The following SPINT1 variants were observed in gnomAD, a reference collection of about 807,000 sequenced individuals.
SPINT1 encodes kunitz-type protease inhibitor 1.
A neutral mutation model predicts 53.7 loss-of-function variants in SPINT1; 38 were observed. The ratio of observed to expected loss-of-function variants is 0.71; its 90% CI spans 0.55 to 0.93. The LOEUF (loss-of-function observed/expected upper bound fraction) is 0.93, where lower values mean the gene tolerates loss of function less well. Ranked by LOEUF, SPINT1 falls within the 40% of genes least tolerant of loss-of-function variation. The pLI is 0.00. For synonymous variants in SPINT1, 283 were observed against 280.6 expected (o/e 1.01, Z -0.08); for missense variants, 645 against 692.9 (o/e 0.93, Z 0.78).
intron 8 of SPINT1, 25 bp downstream of exon 8, chr15:40,854,714 G>T: frequency 6.2e-7 from 1 of 1,613,106 alleles, no homozygotes; most frequent in South Asian, 1.1e-5. Flanking sequence ...AGGTGCCCTG[G>T]ATCAGGGCAG....
At chr15:40,852,220 G>A (rs1891478701) in intron 2 of SPINT1, among the ~76,000 whole-genome samples, 1 of 152,088 alleles carries the variant, frequency 6.6e-6, no homozygotes, top group Admixed American at 6.6e-5. Context: ...CTGTCTTCGC[G>A]TGGCCTTCTC....
intron 7 of SPINT1, 44 bp downstream of exon 7, chr15:40,854,566 G>T: frequency 6.2e-7 from 1 of 1,613,756 alleles, no homozygotes; most frequent in Non-Finnish European, 8.5e-7. Context: ...AGACAGGGAG[G>T]TCCTGACAGC....
chr15:40,854,708 G>A lies in SPINT1; in HGVS notation c.1117+19G>A, dbSNP rs1242809517. 13 of 1,613,924 alleles carry A rather than the reference G, an allele frequency of 8.1e-6. No individual in the cohort carries two copies. Among genetic ancestry groups the A allele is most frequent in the East Asian group, 2.2e-5 (1 of 44,880 alleles). On this transcript the variant is annotated intron_variant, in intron 8 of 10. Coordinates refer to ENST00000562057, the MANE Select transcript of SPINT1 (RefSeq NM_003710.4). ...GACAAAGGTGAGATCCTCCCCAGGT[G>A]CCCTGGATCAGGGCAGACGCTGACA...
intron 9 of SPINT1, 47 bp from the exon 10 acceptor site, chr15:40,856,229 C>T (rs371354846): frequency 1.2e-4 from 200 of 1,612,102 alleles, no homozygotes; most frequent in Non-Finnish European, 1.6e-4. Flanking sequence ...GCAGCTGAGT[C>T]TCTGAGCCCT....
intron 6 of SPINT1, 79 bp downstream of exon 6, chr15:40,854,165 G>T (rs1891556689): frequency 1.4e-6 from 2 of 1,465,054 alleles, no homozygotes; most frequent in African/African-American, 2.8e-5. Flanking sequence ...TAAGCAGCCT[G>T]CCTTTGACCA....
intron 2 of SPINT1, among the ~76,000 whole-genome samples, chr15:40,849,090 C>G (rs190827400): frequency 6.6e-6 from 1 of 151,944 alleles, no homozygotes; most frequent in East Asian, 1.9e-4. Context: ...ACTAAAAATA[C>G]AAAAAATTAG....
Position 40,853,118 on chromosome 15 carries a change from CG to C in SPINT1, c.476-5del. 1 of 1,613,132 alleles carries C rather than the reference CG, an allele frequency of 6.2e-7. No individual in the cohort carries two copies. The highest frequency in any genetic ancestry group is 8.5e-7 in the Non-Finnish European group (1 of 1,179,558). ...TTGACCTTATCTCACTTTCTCTCCC[CG>C]CCAGGGTCTGGGATCCCCAAGGCCT... is the stretch of plus-strand genomic sequence containing the variant. On this transcript the variant is annotated splice_polypyrimidine_tract_variant and splice_region_variant and intron_variant, in intron 2 of 10. Coordinates refer to ENST00000562057, the MANE Select transcript of SPINT1 (RefSeq NM_003710.4).
In SPINT1 at chr15:40,844,540, C is replaced by A; in HGVS notation, c.-15C>A. 6.2e-7 allele frequency: 1 copy of A among 1,610,204 alleles called. No individual in the cohort carries two copies. Among genetic ancestry groups the A allele is most frequent in the Non-Finnish European group, 8.5e-7 (1 of 1,178,884 alleles). On this transcript the variant is annotated 5_prime_UTR_variant, in exon 2 of 11. It adds an upstream start codon to the 5' untranslated region. Transcript: ENST00000562057. The surrounding 1 kb of genome is among the most constrained non-coding windows in gnomAD (Gnocchi z 5.8). The stretch of plus-strand genomic sequence containing the variant: ...GGCCCGCGCTCTGAAGGTGACCCCC[C>A]TGGGGAGGAAGGCGATGGCCCCTGC...
intron 2 of SPINT1, among the ~76,000 whole-genome samples, chr15:40,849,748 C>T (rs189203000): frequency 1.3e-3 from 194 of 152,314 alleles, no homozygotes; most frequent in African/African-American, 4.3e-3. Flanking sequence ...TGACTCTGAG[C>T]AAGCCATTTA....
intron 8 of SPINT1, 86 bp from the exon 9 acceptor site, chr15:40,855,806 T>G (rs937297365): frequency 1.4e-6 from 2 of 1,458,486 alleles, no homozygotes; most frequent in Admixed American, 2.0e-5. Flanking sequence ...GGTGGGGAGG[T>G]GCTGGGCAGC....
chr15:40,845,059 G>A (rs1332186970), intron 2 of SPINT1, 30 bp downstream of exon 2: 2 of 1,553,588 alleles, frequency 1.3e-6, no homozygotes, highest in Admixed American at 1.8e-5. Flanking sequence ...GGATGGGTTT[G>A]GAGAGACTCA....
rs1430057880 is a variant in SPINT1 at position 40,844,477 on chromosome 15, C to G, written c.-65-13C>G. ...AGGTGTGTCTCCTCCTCTGTCCCCT[C>G]CCTTCTTCTCAGGTCACCAGCACCC... On this transcript the variant is annotated splice_polypyrimidine_tract_variant and intron_variant, in intron 1 of 10. Transcript: ENST00000562057. This position sits in a 1 kb window ranked among gnomAD's most constrained non-coding sequence, Gnocchi z 5.8. 7.1e-7 allele frequency: 1 copy of G among 1,408,774 alleles called. No individual in the cohort carries two copies. The allele number at this position is 1,408,774 out of a possible 1,614,324, so 87.3% of individuals were successfully genotyped here.
Position 40,857,189 on chromosome 15 carries a change from G to C in SPINT1, c.*214G>C. On this transcript the variant is annotated 3_prime_UTR_variant, in exon 11 of 11. Coordinates refer to ENST00000562057, the MANE Select transcript of SPINT1 (RefSeq NM_003710.4). ...GAAGGAGCAGAAAACCCTTGGGCCA[G>C]AAGTACCAGACTAGATGGACCTGCC... 1 of 651,632 alleles carries C rather than the reference G, an allele frequency of 1.5e-6. No individual in the cohort carries two copies. Among genetic ancestry groups the C allele is most frequent in the Non-Finnish European group, 2.6e-6 (1 of 388,626 alleles). 40.4% of individuals were successfully genotyped at this position (651,632 alleles called of 1,614,324 possible).
chr15:40,857,346 C>T lies in SPINT1; in HGVS notation c.*371C>T. 3.9e-6 allele frequency: 1 copy of T among 259,266 alleles called. No homozygotes were observed. The highest frequency in any genetic ancestry group is 7.4e-6 in the Non-Finnish European group (1 of 135,366). The allele number at this position is 259,266 out of a possible 1,614,324, so 16.1% of individuals were successfully genotyped here. ...GGCCCCAACCCTGTCCTCCCGAGCT[C>T]CTCTTCCATGCTGTGCGCCCAGGGC... On this transcript the variant is annotated 3_prime_UTR_variant, in exon 11 of 11. Coordinates refer to ENST00000562057, the MANE Select transcript of SPINT1 (RefSeq NM_003710.4).
At chr15:40,845,318 ATT>A (rs34480117) in intron 2 of SPINT1, among the ~76,000 whole-genome samples, 2,563 of 57,968 alleles carry the variant, frequency 0.044, 105 homozygotes, top group African/African-American at 0.18. Flanking sequence ...GACCCGGCTA[ATT>A]TTTTTTTTTT....
chr15:40,857,154 CA>C lies in SPINT1; in HGVS notation c.*182del. 1 of 842,848 alleles carries C rather than the reference CA, an allele frequency of 1.2e-6. No homozygotes were observed. Among genetic ancestry groups the C allele is most frequent in the East Asian group, 2.8e-5 (1 of 36,012 alleles). The allele number at this position is 842,848 out of a possible 1,614,324, so 52.2% of individuals were successfully genotyped here. A position where few individuals can be genotyped will look rare whatever the true frequency, so the allele number is the denominator to read the frequency against. On this transcript the variant is annotated 3_prime_UTR_variant, in exon 11 of 11. Transcript: ENST00000562057. Reference sequence around the variant, plus strand: ...GCTAAGCTCACGTCCTGAGAAAGCTCAAAGGTTTGGAAGGAGCAGAAAACCC... The same window carrying C: ...GCTAAGCTCACGTCCTGAGAAAGCTCAAGGTTTGGAAGGAGCAGAAAACCC...
intron 2 of SPINT1, among the ~76,000 whole-genome samples, chr15:40,851,631 C>T (rs1479823230): frequency 1.3e-5 from 2 of 152,320 alleles, no homozygotes; most frequent in African/African-American, 2.4e-5. Context: ...TGCTTCATGT[C>T]GTGGGGTCTT....
intron 2 of SPINT1, among the ~76,000 whole-genome samples, chr15:40,845,615 T>A (rs1891272063): frequency 6.6e-6 from 1 of 152,136 alleles, no homozygotes; most frequent in African/African-American, 2.4e-5. Context: ...AGGCTCTGGC[T>A]CCTGAACTCA....
Position 40,844,837 on chromosome 15 carries a change from C to T in SPINT1, c.283C>T (p.Gln95Ter). The part of the protein sequence containing the change: ...WDCVRACCTT[Q>*]NCNLALVELQ... ...CTGCGTGCGCGCCTGCTGCACCACC[C>T]AGAACTGCAACTTGGCGCTAGTGGA... The change falls in exon 2 of 11, where the codon CAG becomes TAG. Residue 95 changes from glutamine (Q) to a stop codon, truncating the protein, a stop_gained. Coordinates refer to ENST00000562057, the MANE Select transcript of SPINT1 (RefSeq NM_003710.4). LOFTEE classifies it high-confidence loss of function. This position sits in a 1 kb window ranked among gnomAD's most constrained non-coding sequence, Gnocchi z 5.8. The T allele has an allele frequency of 3.1e-6, 5 of 1,613,826 alleles. No individual in the cohort carries two copies. Among genetic ancestry groups the T allele is most frequent in the Non-Finnish European group, 4.2e-6 (5 of 1,179,990 alleles).
Sources: gnomAD v4.1 joint callset for allele counts (sites outside exome capture counted in the v4.1 genomes callset) on GRCh38, gnomAD v4.1.1 for gene constraint, Gnocchi (gnomAD v3.1) non-coding constraint, MANE v1.5 for transcripts, NCBI Gene and HGNC (gene_info 2026-07-23, HGNC 2026-07-21) for gene names.